The following CLSTN2 variants were observed in gnomAD, a reference collection of about 807,000 sequenced individuals.
CLSTN2 encodes the protein calsyntenin-2.
CLSTN2 carries 48 observed loss-of-function variants against 101.2 expected under a neutral mutation model. The observed-to-expected ratio is 0.47, with a 90% CI of 0.38 to 0.60. The LOEUF is 0.60. Ranked by LOEUF, CLSTN2 falls within the 20% of genes least tolerant of loss-of-function variation. The pLI, the probability that CLSTN2 is intolerant of heterozygous loss-of-function variation, is 0.00. For missense variants in CLSTN2, 1,160 were observed against 1,238.2 expected (o/e 0.94, Z 0.95); for synonymous variants, 481 against 463.6 (o/e 1.04, Z -0.48).
rs1934322088 is a variant in CLSTN2, at chr3:140,490,111, TATATATACACACAC to T, written c.1344+23382_1344+23395del. On this transcript the variant is annotated intron_variant, in intron 8 of 16. Transcript: ENST00000458420. Reference sequence around the variant, plus strand: ...GTGTATATATATATATATATATATATATATATACACACACACACACACACACACACACACACACA... The same window carrying T: ...GTGTATATATATATATATATATATATACACACACACACACACACACACACA... Among the ~76,000 whole-genome samples the T allele has an allele frequency of 1.7e-3, 13 of 7,556 alleles. 5 individuals are homozygous for T. The highest frequency in any genetic ancestry group is 9.2e-3 in the Admixed American group (4 of 436). 5.0% of individuals were successfully genotyped at this position (7,556 alleles called of 152,430 possible). A position where few individuals can be genotyped will look rare whatever the true frequency, so the allele number is the denominator to read the frequency against.
At chr3:140,123,702 C>A (rs1252533108) in intron 1 of CLSTN2, among the ~76,000 whole-genome samples, 2 of 152,048 alleles carry the variant, frequency 1.3e-5, no homozygotes, top group Non-Finnish European at 2.9e-5. Context: ...TGGTTGGCTT[C>A]TGGTAAGGCC....
At chr3:139,970,355 T>C (rs1259058133) in intron 1 of CLSTN2, among the ~76,000 whole-genome samples, 1 of 152,164 alleles carries the variant, frequency 6.6e-6, no homozygotes, top group Non-Finnish European at 1.5e-5. Flanking sequence ...CAATAGATGG[T>C]GGTCATTATA....
intron 8 of CLSTN2, among the ~76,000 whole-genome samples, chr3:140,513,224 G>C (rs1444472995): frequency 6.6e-6 from 1 of 152,166 alleles, no homozygotes; most frequent in Non-Finnish European, 1.5e-5. Context: ...TACCCATTCA[G>C]TATGATATTG....
chr3:140,441,556 G>C (rs9872654), intron 5 of CLSTN2, among the ~76,000 whole-genome samples: 60,272 of 152,116 alleles, frequency 0.4, 15,217 homozygotes, highest in African/African-American at 0.71. Context: ...AGTAACTGCC[G>C]AAGGTGCAGC....
intron 2 of CLSTN2, among the ~76,000 whole-genome samples, chr3:140,320,206 C>T (rs1433396029): frequency 1.3e-5 from 2 of 152,198 alleles, no homozygotes; most frequent in Admixed American, 1.3e-4. Flanking sequence ...GAACTCCATG[C>T]ACAGAGGACA....
intron 2 of CLSTN2, among the ~76,000 whole-genome samples, chr3:140,352,001 G>T (rs1436366055): frequency 6.6e-6 from 1 of 152,124 alleles, no homozygotes; most frequent in Non-Finnish European, 1.5e-5. Flanking sequence ...GAATAAATGT[G>T]CCTGAGTAAT....
chr3:140,281,450 G>A (rs921534098), intron 2 of CLSTN2, among the ~76,000 whole-genome samples: 3 of 152,094 alleles, frequency 2.0e-5, no homozygotes, highest in African/African-American at 7.2e-5. Flanking sequence ...GTATCCAGAT[G>A]GCTTCTCACT....
intron 1 of CLSTN2, among the ~76,000 whole-genome samples, chr3:140,171,801 ATGTATTATATATTATATAT>A (rs2010235338): frequency 7.1e-5 from 7 of 98,088 alleles, no homozygotes; most frequent in Non-Finnish European, 1.2e-4. Flanking sequence ...AATATATAAT[ATGTATTATATATTATATAT>A]TATATATAAT....
chr3:140,481,110 A>G (rs988527115), intron 8 of CLSTN2, among the ~76,000 whole-genome samples: 17 of 152,152 alleles, frequency 1.1e-4, no homozygotes, highest in African/African-American at 4.1e-4. Context: ...ATCCATCTTG[A>G]ATTAATTTTT....
At chr3:139,980,870 T>C (rs12491613) in intron 1 of CLSTN2, among the ~76,000 whole-genome samples, 10,737 of 152,170 alleles carry the variant, frequency 0.071, 483 homozygotes, top group East Asian at 0.14. Context: ...AAGTTTGTCA[T>C]ACATATGGAG....
chr3:140,366,402 A>T (rs1372974496), intron 2 of CLSTN2, among the ~76,000 whole-genome samples: 2 of 152,234 alleles, frequency 1.3e-5, no homozygotes, highest in African/African-American at 4.8e-5. Flanking sequence ...GCCTTGAGAG[A>T]GCATTTAAGA....
At chr3:140,286,016 G>A (rs1020496734) in intron 2 of CLSTN2, among the ~76,000 whole-genome samples, 1 of 152,164 alleles carries the variant, frequency 6.6e-6, no homozygotes, top group East Asian at 1.9e-4. Context: ...CAGGGGTGTT[G>A]TAATAACTGT....
intron 2 of CLSTN2, among the ~76,000 whole-genome samples, chr3:140,362,856 C>G (rs114877571): frequency 7.2e-4 from 109 of 152,106 alleles, no homozygotes; most frequent in African/African-American, 2.3e-3. Flanking sequence ...AAACTATAAC[C>G]TTTATACATT....
intron 5 of CLSTN2, among the ~76,000 whole-genome samples, chr3:140,446,329 G>T (rs1933077263): frequency 6.6e-6 from 1 of 152,116 alleles, no homozygotes; most frequent in African/African-American, 2.4e-5. Context: ...TTTACAATTA[G>T]TCACTCTCAT....
intron 2 of CLSTN2, among the ~76,000 whole-genome samples, chr3:140,309,844 C>T (rs920342321): frequency 7.2e-5 from 11 of 152,098 alleles, no homozygotes; most frequent in African/African-American, 1.4e-4. Context: ...CTCTCAGGCC[C>T]GGGCTCTACA....
At chr3:140,517,815 G>A (rs1934949206) in intron 8 of CLSTN2, among the ~76,000 whole-genome samples, 1 of 152,186 alleles carries the variant, frequency 6.6e-6, no homozygotes, top group Non-Finnish European at 1.5e-5. Flanking sequence ...CAGAGGTGGT[G>A]CTTTCAAGAC....
At chr3:140,350,493 G>A (rs2087594133) in intron 2 of CLSTN2, among the ~76,000 whole-genome samples, 2 of 152,148 alleles carry the variant, frequency 1.3e-5, no homozygotes, top group African/African-American at 4.8e-5. Context: ...ACCTATGCAT[G>A]TTTTGTCTCC....
At chr3:140,466,948 G>A (rs909449576) in intron 8 of CLSTN2, among the ~76,000 whole-genome samples, 7 of 152,146 alleles carry the variant, frequency 4.6e-5, no homozygotes, top group African/African-American at 1.2e-4. Flanking sequence ...TTCCCAGCTG[G>A]GATGCTGCTG....
chr3:139,935,550 C>T lies in CLSTN2; in HGVS notation c.109+67C>T. 1 of 830,086 alleles carries T rather than the reference C, an allele frequency of 1.2e-6. No homozygotes were observed. Among genetic ancestry groups the T allele is most frequent in the African/African-American group, 1.8e-5 (1 of 56,798 alleles). The allele number at this position is 830,086 out of a possible 1,614,324, so 51.4% of individuals were successfully genotyped here. ...AGGGCAGGCTTGAGGGTGAAAGCGGCAAGGACCTAGGCTCAAGCTGGATTT... is the reference window on the plus strand; with the variant it reads ...AGGGCAGGCTTGAGGGTGAAAGCGGTAAGGACCTAGGCTCAAGCTGGATTT... On this transcript the variant is annotated intron_variant, in intron 1 of 16. Coordinates refer to ENST00000458420, the MANE Select transcript of CLSTN2 (RefSeq NM_022131.3). This position sits in a 1 kb window ranked among gnomAD's most constrained non-coding sequence, Gnocchi z 5.5.
Sources: gnomAD v4.1 joint callset for allele counts (sites outside exome capture counted in the v4.1 genomes callset) on GRCh38, gnomAD v4.1.1 for gene constraint, Gnocchi (gnomAD v3.1) non-coding constraint, MANE v1.5 for transcripts, NCBI Gene and HGNC (gene_info 2026-07-23, HGNC 2026-07-21) for gene names.